The following AGPAT3 variants were observed in gnomAD, a reference collection of about 807,000 sequenced individuals.
The protein encoded by AGPAT3 is 1-acyl-sn-glycerol-3-phosphate acyltransferase gamma.
AGPAT3 carries 5 observed loss-of-function variants against 47.3 expected under a neutral mutation model. The observed-to-expected ratio is 0.11, with a 90% CI of 0.06 to 0.22. The LOEUF (loss-of-function observed/expected upper bound fraction) is 0.22, where lower values mean the gene tolerates loss of function less well. Among genes scored for constraint, AGPAT3 ranks in the 10% least tolerant of loss-of-function variants. The pLI is 1.00. For missense variants in AGPAT3, 315 were observed against 493.0 expected (o/e 0.64, Z 3.42); for synonymous variants, 212 against 208.3 (o/e 1.02, Z -0.15).
Position 43,968,038 on chromosome 21 carries a change from GTCA to G in AGPAT3, c.277_279del (p.Ile93del). On this transcript the variant is annotated inframe_deletion, in exon 4 of 10. Transcript: ENST00000291572. ...AGAGCGCTTTGGGAAGGAGCACGCA[GTCA>G]TCATCCTCAACCACAACTTCGAGAT... is the stretch of plus-strand genomic sequence containing the variant. The G allele has an allele frequency of 6.2e-7, 1 of 1,613,964 alleles. No homozygotes were observed. Among genetic ancestry groups the G allele is most frequent in the Non-Finnish European group, 8.5e-7 (1 of 1,179,988 alleles).
chr21:43,934,581 C>T lies in AGPAT3; in HGVS notation c.-48-25053C>T, dbSNP rs574792991. On this transcript the variant is annotated intron_variant, in intron 2 of 9. Transcript: ENST00000291572. This position sits in a 1 kb window ranked among gnomAD's most constrained non-coding sequence, Gnocchi z 4.7. ...CCCGTGGGGTAACCAGAAGGTAAGA[C>T]TAGGAGGTGTGCGATGGTGATGGGG... 2.6e-5 allele frequency among the ~76,000 whole-genome samples: 4 copies of T among 152,236 alleles called. No individual in the cohort carries two copies. The South Asian group carries it at 8.3e-4, about 32-fold the overall frequency.
chr21:43,967,815 G>A, intron 3 of AGPAT3, 131 bp from the exon 4 acceptor site: 1 of 869,726 alleles, frequency 1.1e-6, no homozygotes, highest in Non-Finnish European at 1.7e-6. Context: ...CTCAGTGTAA[G>A]TCATCAAAAC....
intron 2 of AGPAT3, among the ~76,000 whole-genome samples, chr21:43,905,955 G>A (rs1289523588): frequency 6.6e-6 from 1 of 152,238 alleles, no homozygotes; most frequent in Non-Finnish European, 1.5e-5. Context: ...ATGAGGTTTT[G>A]CTTCTAGGGG....
At chr21:43,866,196 C>CT (rs2085502965) in intron 1 of AGPAT3, among the ~76,000 whole-genome samples, 1 of 127,542 alleles carries the variant, frequency 7.8e-6, no homozygotes, top group South Asian at 2.7e-4. Flanking sequence ...CTTCCCAGAC[C>CT]TTTAAAAAAA....
intron 1 of AGPAT3, among the ~76,000 whole-genome samples, chr21:43,884,401 G>C (rs968178242): frequency 5.3e-5 from 8 of 152,186 alleles, no homozygotes; most frequent in African/African-American, 1.9e-4. Context: ...CTGCCTCTTC[G>C]ACCTCGTCCC....
chr21:43,873,676 C>T (rs138237064), intron 1 of AGPAT3, among the ~76,000 whole-genome samples: 300 of 152,336 alleles, frequency 2.0e-3, no homozygotes, highest in African/African-American at 7.0e-3. Context: ...CTGCGCCCAG[C>T]CCAAGTTGTC....
intron 2 of AGPAT3, among the ~76,000 whole-genome samples, chr21:43,928,601 A>G (rs571924307): frequency 1.3e-5 from 2 of 152,372 alleles, no homozygotes; most frequent in East Asian, 3.9e-4. Context: ...GTTTTTACTC[A>G]GAGCAAGCTG....
chr21:43,902,839 A>G lies in AGPAT3; in HGVS notation c.-111-1118A>G, dbSNP rs558092743. Reference sequence around the variant, plus strand: ...CATAGTGAAATGCTTTGTCTACAAAAAATTTAAAAAATTATCTGGGCATGG... The same window carrying G: ...CATAGTGAAATGCTTTGTCTACAAAGAATTTAAAAAATTATCTGGGCATGG... On this transcript the variant is annotated intron_variant, in intron 1 of 9. Coordinates refer to ENST00000291572, the MANE Select transcript of AGPAT3 (RefSeq NM_020132.5). 4.9e-4 allele frequency among the ~76,000 whole-genome samples: 75 copies of G among 152,318 alleles called. 1 individual carries two copies. The highest frequency in any genetic ancestry group is 7.3e-5 in the Non-Finnish European group (5 of 68,034).
chr21:43,921,833 T>A (rs1354938253), intron 2 of AGPAT3, among the ~76,000 whole-genome samples: 1 of 152,130 alleles, frequency 6.6e-6, no homozygotes, highest in Non-Finnish European at 1.5e-5. Flanking sequence ...ATTACTTTTT[T>A]AACACGATAC....
chr21:43,985,086 G>A lies in AGPAT3; in HGVS notation c.*2694G>A, dbSNP rs190750374. 7.8e-4 allele frequency: 358 copies of A among 456,124 alleles called. 1 individual carries two copies. Among genetic ancestry groups the A allele is most frequent in the African/African-American group, 1.8e-3 (88 of 50,218 alleles). The allele number at this position is 456,124 out of a possible 1,614,324, so 28.3% of individuals were successfully genotyped here. ...GGAGGGCCCAGGCCCACCCACGGGC[G>A]TCTGGCCGGTCAAGCTCCCAGCCTG... On this transcript the variant is annotated 3_prime_UTR_variant, in exon 10 of 10. Transcript: ENST00000291572.
chr21:43,896,943 G>GTTTTTTTT (rs61657564), intron 1 of AGPAT3, among the ~76,000 whole-genome samples: 11 of 42,340 alleles, frequency 2.6e-4, no homozygotes, highest in Non-Finnish European at 4.4e-4. Context: ...TTGACAGTCC[G>GTTTTTTTT]TTTTTTTTTT....
rs566703290 is a variant in AGPAT3 at position 43,870,453 on chromosome 21, T to C, written c.-112+5108T>C. Among the ~76,000 whole-genome samples, 127 of 152,150 alleles carry C rather than the reference T, an allele frequency of 8.3e-4. 1 individual carries two copies. The highest frequency in any genetic ancestry group is 2.9e-3 in the African/African-American group (120 of 41,500). ...GGGTCCCCGGGTGGTGGTTCACACC[T>C]GTAATGCCAGCACTTTGGGAGGCTG... is the stretch of plus-strand genomic sequence containing the variant. On this transcript the variant is annotated intron_variant, in intron 1 of 9. Transcript: ENST00000291572.
At chr21:43,975,018 TGTG>T (rs1237880877) in intron 7 of AGPAT3, among the ~76,000 whole-genome samples, 1 of 152,132 alleles carries the variant, frequency 6.6e-6, no homozygotes, top group Non-Finnish European at 1.5e-5. Flanking sequence ...TGTGTGCTGT[TGTG>T]TACTGGCGTT....
intron 2 of AGPAT3, among the ~76,000 whole-genome samples, chr21:43,927,734 T>A (rs1277379382): frequency 6.6e-6 from 1 of 152,218 alleles, no homozygotes; most frequent in Non-Finnish European, 1.5e-5. Context: ...TGCTACTGAC[T>A]GGCTGTGTGG....
intron 2 of AGPAT3, among the ~76,000 whole-genome samples, chr21:43,921,743 G>A (rs1469597728): frequency 6.6e-6 from 1 of 152,180 alleles, no homozygotes; most frequent in Non-Finnish European, 1.5e-5. Context: ...GTTGGTGGTG[G>A]TTCTTTTGTT....
chr21:43,920,421 C>G lies in AGPAT3; in HGVS notation c.-49+16402C>G, dbSNP rs1038508746. ...TCAGAAACATACTTTGGTCTCTGGC[C>G]CTGGCTCTGGGCACACAGCTCCTAC... On this transcript the variant is annotated intron_variant, in intron 2 of 9. Transcript: ENST00000291572. The surrounding 1 kb of genome is among the most constrained non-coding windows in gnomAD (Gnocchi z 6.1). Among the ~76,000 whole-genome samples the G allele has an allele frequency of 1.3e-5, 2 of 152,082 alleles. No individual in the cohort carries two copies. The highest frequency in any genetic ancestry group is 2.9e-5 in the Non-Finnish European group (2 of 68,026).
At chr21:43,865,786 G>A (rs1452110080) in intron 1 of AGPAT3, among the ~76,000 whole-genome samples, 1 of 151,770 alleles carries the variant, frequency 6.6e-6, no homozygotes, top group Non-Finnish European at 1.5e-5. Context: ...CGGCTCCCCC[G>A]TGGACAGGAC....
intron 1 of AGPAT3, among the ~76,000 whole-genome samples, chr21:43,887,063 A>G (rs993899175): frequency 6.6e-6 from 1 of 152,218 alleles, no homozygotes; most frequent in Non-Finnish European, 1.5e-5. Context: ...TCCCACCAAC[A>G]GTGGTTTGCT....
At chr21:43,902,811 C>A (rs1048793701) in intron 1 of AGPAT3, among the ~76,000 whole-genome samples, 7 of 152,164 alleles carry the variant, frequency 4.6e-5, no homozygotes, top group African/African-American at 1.7e-4. Flanking sequence ...CCAGCCTAGG[C>A]AACATAGTGA....
Sources: allele counts gnomAD v4.1 joint callset (sites outside exome capture counted in the v4.1 genomes callset), GRCh38; gene constraint gnomAD v4.1.1; non-coding constraint Gnocchi (gnomAD v3.1); transcripts MANE v1.5; gene names NCBI Gene and HGNC (gene_info 2026-07-23, HGNC 2026-07-21).